GRIA1: variants seen among roughly 807,000 people sequenced by gnomAD.
GRIA1 encodes the protein glutamate receptor 1.
In GRIA1, 31 loss-of-function variants were observed where a neutral mutation model predicts 99.2. The ratio of observed to expected loss-of-function variants is 0.31; its 90% confidence interval spans 0.23 to 0.42. GRIA1 has a LOEUF of 0.42. Ranked by LOEUF, GRIA1 falls within the 10% of genes least tolerant of loss-of-function variation. GRIA1 has a pLI of 1.00. For synonymous variants in GRIA1, 438 were observed against 432.4 expected, an observed-to-expected ratio of 1.01 and a Z score of -0.16; for missense variants, 782 against 1,157.5, an observed-to-expected ratio of 0.68 and a Z score of 4.71.
At chr5:153,573,237 G>A (rs1325008661) in intron 2 of GRIA1, 2 of 152,188 alleles carry the variant, frequency 1.3e-5, no homozygotes, top group Non-Finnish European at 2.9e-5. Context: ...TATATTTTAT[G>A]TTGGGCTAGG....
At chr5:153,635,041 C>T (rs1439406213) in intron 2 of GRIA1, among the ~76,000 whole-genome samples, 2 of 152,218 alleles carry the variant, frequency 1.3e-5, no homozygotes, top group East Asian at 3.8e-4. Flanking sequence ...GGGCTGTCCT[C>T]TGTAGCTTTC....
At chr5:153,525,698 T>C (rs920017832) in intron 2 of GRIA1, among the ~76,000 whole-genome samples, 3 of 152,118 alleles carry the variant, frequency 2.0e-5, no homozygotes, top group African/African-American at 7.2e-5. Flanking sequence ...AAGGGTCATC[T>C]CAATTTCTCC....
At position 153,732,804 on chromosome 5, in the gene GRIA1, T is replaced by A. The variant is rs562788292; in HGVS notation, c.1823+26737T>A. Among the ~76,000 whole-genome samples the A allele has an allele frequency of 3.3e-5, 5 of 152,158 alleles. No individual in the cohort carries two copies. The South Asian group carries it at 8.3e-4, about 25-fold the overall frequency. ...TTCAAAAAGTTATTGCCAAGACCAA[T>A]GTCAAAAAGCTTTTGCTCTATGTTT... On this transcript the variant is annotated intron_variant, in intron 11 of 15. Transcript: ENST00000285900.
chr5:153,535,056 G>GGT (rs1758440525), intron 2 of GRIA1, among the ~76,000 whole-genome samples: 1 of 152,026 alleles, frequency 6.6e-6, no homozygotes, highest in African/African-American at 2.4e-5. Context: ...TGAGTAGCTC[G>GGT]GATTACAGGC....
chr5:153,749,791 C>G (rs557351856), intron 11 of GRIA1, among the ~76,000 whole-genome samples: 1 of 152,136 alleles, frequency 6.6e-6, no homozygotes, highest in East Asian at 1.9e-4. Flanking sequence ...GAATCTACAC[C>G]CATTTTTTTG....
intron 11 of GRIA1, among the ~76,000 whole-genome samples, 189 bp from the exon 12 acceptor site, chr5:153,764,245 C>G (rs940016159): frequency 1.3e-5 from 2 of 152,122 alleles, no homozygotes; most frequent in East Asian, 3.9e-4. Context: ...AGATCCATGT[C>G]CGTAATAAGG....
At chr5:153,617,444 T>C (rs1366699209) in intron 2 of GRIA1, among the ~76,000 whole-genome samples, 1 of 152,218 alleles carries the variant, frequency 6.6e-6, no homozygotes, top group African/African-American at 2.4e-5. Flanking sequence ...GATTTCTATG[T>C]CATCAGCCAT....
At chr5:153,706,262 C>A in intron 11 of GRIA1, 195 bp downstream of exon 11, 1 of 603,574 alleles carries the variant, frequency 1.7e-6, no homozygotes, top group Non-Finnish European at 2.9e-6. Flanking sequence ...GCTGGGCCAT[C>A]TCTGTCTGCT....
intron 12 of GRIA1, 74 bp downstream of exon 12, chr5:153,764,706 A>G (rs944295420): frequency 3.7e-6 from 4 of 1,074,452 alleles, no homozygotes; most frequent in Non-Finnish European, 5.7e-6. Flanking sequence ...CCTTCTCATT[A>G]TATAGCCTGA....
intron 15 of GRIA1, among the ~76,000 whole-genome samples, chr5:153,807,267 T>G (rs1766496230): frequency 6.6e-6 from 1 of 152,198 alleles, no homozygotes; most frequent in South Asian, 2.1e-4. Flanking sequence ...GGGCAAGGCT[T>G]GGCACTGGGG....
chr5:153,630,531 C>G (rs1189739789), intron 2 of GRIA1, among the ~76,000 whole-genome samples: 2 of 152,100 alleles, frequency 1.3e-5, no homozygotes, highest in African/African-American at 4.8e-5. Context: ...GAGGCCACCC[C>G]AAAACAATAG....
At chr5:153,581,201 T>C (rs936695184) in intron 2 of GRIA1, among the ~76,000 whole-genome samples, 7 of 152,230 alleles carry the variant, frequency 4.6e-5, no homozygotes, top group African/African-American at 1.7e-4. Flanking sequence ...GAAAGGACTA[T>C]AAGCCTATTT....
Position 153,705,692 on chromosome 5 carries a change from T to TAAA in GRIA1, c.1453-5_1453-4insAAA. On this transcript the variant is annotated splice_polypyrimidine_tract_variant and splice_region_variant and intron_variant, in intron 10 of 15. Transcript: ENST00000285900. The stretch of plus-strand genomic sequence containing the variant: ...TTTTTTTTTTTTTTTTTTTTTTTTT[T>TAAA]TCAGAGAGCAGATGTGGCTGTGGCT... 1 of 1,262,228 alleles carries TAAA rather than the reference T, an allele frequency of 7.9e-7. No individual in the cohort carries two copies. Among genetic ancestry groups the TAAA allele is most frequent in the Non-Finnish European group, 1.0e-6 (1 of 981,072 alleles). The allele number at this position is 1,262,228 out of a possible 1,614,324, so 78.2% of individuals were successfully genotyped here.
At chr5:153,807,056 G>A (rs1766480648) in intron 15 of GRIA1, among the ~76,000 whole-genome samples, 2 of 152,200 alleles carry the variant, frequency 1.3e-5, no homozygotes, top group South Asian at 4.1e-4. Flanking sequence ...CCACAGTGCT[G>A]CTCACAAAGA....
intron 2 of GRIA1, among the ~76,000 whole-genome samples, chr5:153,540,503 C>G (rs2113484614): frequency 6.6e-6 from 1 of 152,288 alleles, no homozygotes; most frequent in Admixed American, 6.5e-5. Context: ...CCTAGCCTGT[C>G]CTCTCTGCCT....
intron 8 of GRIA1, among the ~76,000 whole-genome samples, chr5:153,688,273 G>A (rs144599988): frequency 4.1e-4 from 62 of 152,248 alleles, no homozygotes; most frequent in African/African-American, 1.4e-3. Flanking sequence ...CACTGGGAAC[G>A]TATCCACTTC....
chr5:153,791,506 C>T (rs2149655351), intron 13 of GRIA1, among the ~76,000 whole-genome samples: 1 of 151,948 alleles, frequency 6.6e-6, no homozygotes, highest in Admixed American at 6.6e-5. Flanking sequence ...CTAAGTGAGC[C>T]CAGGCAAGGA....
At chr5:153,510,609 A>G (rs1182650733) in intron 2 of GRIA1, among the ~76,000 whole-genome samples, 2 of 152,120 alleles carry the variant, frequency 1.3e-5, no homozygotes, top group East Asian at 3.9e-4. Flanking sequence ...ATACATTTGG[A>G]AAAATAGGCT....
intron 11 of GRIA1, among the ~76,000 whole-genome samples, chr5:153,707,418 T>C (rs1758980158): frequency 6.6e-6 from 1 of 152,236 alleles, no homozygotes; most frequent in Non-Finnish European, 1.5e-5. Flanking sequence ...ACATTCTGGA[T>C]GTGCATGCCA....
Sources: gnomAD v4.1 joint callset for allele counts (sites outside exome capture counted in the v4.1 genomes callset) on GRCh38, gnomAD v4.1.1 for gene constraint, MANE v1.5 for transcripts, NCBI Gene and HGNC (gene_info 2026-07-23, HGNC 2026-07-21) for gene names.